SSX2IP: variants seen among roughly 807,000 people sequenced by gnomAD.
SSX2IP encodes afadin- and alpha-actinin-binding protein.
SSX2IP carries 55 observed loss-of-function variants against 84.9 expected under a neutral mutation model. The ratio of observed to expected loss-of-function variants is 0.65; its 90% CI spans 0.52 to 0.81. The LOEUF (loss-of-function observed/expected upper bound fraction) is 0.81. SSX2IP is among the 30% of genes least tolerant of loss of function. The pLI is 0.00. For missense variants in SSX2IP, 664 were observed against 705.2 expected (o/e 0.94, Z 0.66); for synonymous variants, 239 against 234.7 (o/e 1.02, Z -0.17).
At chr1:84,681,871 G>C (rs901454721) in intron 1 of SSX2IP, among the ~76,000 whole-genome samples, 2 of 152,140 alleles carry the variant, frequency 1.3e-5, no homozygotes, top group African/African-American at 4.8e-5. Context: ...GGAAGACAGG[G>C]AACAGAAATA....
chr1:84,662,000 A>G (rs1170083740), intron 8 of SSX2IP, among the ~76,000 whole-genome samples, 198 bp downstream of exon 8: 1 of 152,182 alleles, frequency 6.6e-6, no homozygotes, highest in African/African-American at 2.4e-5. Flanking sequence ...CCGGAAAATC[A>G]TCTCCAGCAT....
At chr1:84,656,293 C>G (rs1651111196) in intron 10 of SSX2IP, 55 bp downstream of exon 10, 1 of 1,561,858 alleles carries the variant, frequency 6.4e-7, no homozygotes. Context: ...TGGTAAGGTT[C>G]AGCACAATTC....
At chr1:84,656,262 T>C (rs1651103387) in intron 10 of SSX2IP, 86 bp downstream of exon 10, 1 of 1,352,250 alleles carries the variant, frequency 7.4e-7, no homozygotes, top group South Asian at 1.4e-5. Flanking sequence ...CAGGGCCTTA[T>C]GAAATAAAGG....
At chr1:84,671,520 G>C (rs1196583855) in intron 1 of SSX2IP, among the ~76,000 whole-genome samples, 1 of 152,094 alleles carries the variant, frequency 6.6e-6, no homozygotes, top group African/African-American at 2.4e-5. Flanking sequence ...AAGTTCTACT[G>C]AGGTATTCAT....
chr1:84,655,256 G>T, intron 11 of SSX2IP: 2 of 889,290 alleles, frequency 2.2e-6, no homozygotes, highest in Non-Finnish European at 2.8e-6. Context: ...AACTGAGGAT[G>T]AGAAAGGAGG....
At chr1:84,684,201 A>G (rs1312669791) in intron 1 of SSX2IP, among the ~76,000 whole-genome samples, 2 of 152,180 alleles carry the variant, frequency 1.3e-5, no homozygotes, top group Non-Finnish European at 1.5e-5. Context: ...CATCAACATC[A>G]CCTGACTCAA....
At chr1:84,687,488 T>C (rs1447582295) in intron 1 of SSX2IP, among the ~76,000 whole-genome samples, 4 of 152,172 alleles carry the variant, frequency 2.6e-5, no homozygotes, top group African/African-American at 9.7e-5. Flanking sequence ...TGCTTGAAAA[T>C]GGGGAAGTAT....
chr1:84,655,963 A>G lies in SSX2IP; in HGVS notation c.1258T>C (p.Leu420=), dbSNP rs749861144. The G allele has an allele frequency of 1.6e-5, 26 of 1,613,550 alleles. No homozygotes were observed. The highest frequency in any genetic ancestry group is 2.1e-5 in the Non-Finnish European group (25 of 1,179,926). ...TCTTCCAACAAATAACAGTCTCGTA[A>G]TAGTGAAGTGGTATCATCATCATAT... ...TAYDDDTTSL[L]RDCYLLEEKE... is the part of the protein sequence containing the mutation. The change falls in exon 11 of 14, where the codon TTA becomes CTA. Residue 420 remains leucine, a synonymous_variant. Transcript: ENST00000342203.
In SSX2IP at chr1:84,652,028, A is replaced by G. The variant is rs1650329174; in HGVS notation, c.1390-31T>C. On this transcript the variant is annotated intron_variant, in intron 11 of 13. Coordinates refer to ENST00000342203, the MANE Select transcript of SSX2IP (RefSeq NM_001166293.2). ...ATAAACAGCCAAAGAAATAATGATCAATATTTCAACATCCACACAGTTGCC... is the reference window on the plus strand; with the variant it reads ...ATAAACAGCCAAAGAAATAATGATCGATATTTCAACATCCACACAGTTGCC... The G allele has an allele frequency of 1.4e-5, 22 of 1,520,860 alleles. No homozygotes were observed. The East Asian group carries it at 5.0e-4, about 34-fold the overall frequency. The allele number at this position is 1,520,860 out of a possible 1,614,324, so 94.2% of individuals were successfully genotyped here.
rs1411211957 is a variant in SSX2IP, at chr1:84,656,381, T to G, written c.1182A>C (p.Lys394Asn). The G allele has an allele frequency of 2.5e-6, 4 of 1,612,874 alleles. No homozygotes were observed. The highest frequency in any genetic ancestry group is 2.5e-6 in the Non-Finnish European group (3 of 1,179,662). ...GCTGTTGCTGAGTTTTAATCATTTC[T>G]TTACACTGCTGAATTTCTAACTCGA... ...EKLELEIQQC[K>N]EMIKTQQQLL... The change falls in exon 10 of 14, where the codon AAA (lysine) becomes AAC (asparagine). Residue 394 changes from lysine (K) to asparagine (N), a missense_variant. Transcript: ENST00000342203.
chr1:84,658,012 A>G (rs1651380228), intron 9 of SSX2IP, among the ~76,000 whole-genome samples: 1 of 152,062 alleles, frequency 6.6e-6, no homozygotes, highest in South Asian at 2.1e-4. Flanking sequence ...ATGTGCGCCT[A>G]TAGTCCTAGC....
chr1:84,688,450 T>A (rs1453582509), intron 1 of SSX2IP, among the ~76,000 whole-genome samples: 2 of 152,226 alleles, frequency 1.3e-5, no homozygotes, highest in Admixed American at 6.5e-5. Context: ...TTTAAGCATG[T>A]TAAATGAATT....
upstream of SSX2IP, chr1:84,690,697 G>T (rs1450863799): frequency 6.6e-6 from 1 of 152,106 alleles, no homozygotes; most frequent in Non-Finnish European, 1.5e-5. Context: ...CGGAGAAAAA[G>T]AAGACCTTAT....
chr1:84,683,836 C>T (rs1050283601), intron 1 of SSX2IP, among the ~76,000 whole-genome samples: 21 of 152,106 alleles, frequency 1.4e-4, no homozygotes, highest in African/African-American at 4.3e-4. Flanking sequence ...GAATCAAGAG[C>T]ATGGCAATTT....
rs1653543969 is a variant in SSX2IP at position 84,671,302 on chromosome 1, G to C, written c.-83C>G. 1 of 1,560,714 alleles carries C rather than the reference G, an allele frequency of 6.4e-7. No individual in the cohort carries two copies. Among genetic ancestry groups the C allele is most frequent in the Non-Finnish European group, 8.6e-7 (1 of 1,157,202 alleles). ...TAGCTGCTGTCACTCTTCTATGTAG[G>C]CATCTCCTTAAAAAGCAGATTATAG... On this transcript the variant is annotated 5_prime_UTR_variant, in exon 2 of 14. Coordinates refer to ENST00000342203, the MANE Select transcript of SSX2IP (RefSeq NM_001166293.2).
chr1:84,665,958 G>C lies in SSX2IP; in HGVS notation c.537+164C>G, dbSNP rs2911566. Among the ~76,000 whole-genome samples, 109,194 of 152,062 alleles carry C rather than the reference G, an allele frequency of 0.72. 39,542 individuals carry two copies. The highest frequency in any genetic ancestry group is 0.77 in the Non-Finnish European group (52,640 of 67,976). On this transcript the variant is annotated intron_variant, in intron 5 of 13. Transcript: ENST00000342203. ...GGTCTGTAGTGGAGAGGGTTCCTGAGCTTCCAGTTAAATACTATTACACAA... is the reference window on the plus strand; with the variant it reads ...GGTCTGTAGTGGAGAGGGTTCCTGACCTTCCAGTTAAATACTATTACACAA...
At position 84,647,342 on chromosome 1, in the gene SSX2IP, T is replaced by C; in HGVS notation, c.*91A>G. The C allele has an allele frequency of 8.7e-7, 1 of 1,155,774 alleles. No homozygotes were observed. Among genetic ancestry groups the C allele is most frequent in the South Asian group, 1.9e-5 (1 of 51,670 alleles). The allele number at this position is 1,155,774 out of a possible 1,614,324, so 71.6% of individuals were successfully genotyped here. On this transcript the variant is annotated 3_prime_UTR_variant, in exon 14 of 14. Coordinates refer to ENST00000342203, the MANE Select transcript of SSX2IP (RefSeq NM_001166293.2). ...AAACAACTCAGACCATCTTAAGTTATTAGAGATAACTGACTTTATGACACA... is the reference window on the plus strand; with the variant it reads ...AAACAACTCAGACCATCTTAAGTTACTAGAGATAACTGACTTTATGACACA...
At chr1:84,650,940 C>T (rs976148056) in intron 12 of SSX2IP, among the ~76,000 whole-genome samples, 3 of 152,084 alleles carry the variant, frequency 2.0e-5, no homozygotes, top group East Asian at 2.0e-4. Context: ...CTCCTGACTT[C>T]GTGATCCACC....
chr1:84,672,986 T>C (rs914856718), intron 1 of SSX2IP, among the ~76,000 whole-genome samples: 13 of 152,270 alleles, frequency 8.5e-5, no homozygotes, highest in African/African-American at 3.1e-4. Context: ...ATCGTGCCAC[T>C]GCACTCCAGC....
Sources: allele counts gnomAD v4.1 joint callset (sites outside exome capture counted in the v4.1 genomes callset), GRCh38; gene constraint gnomAD v4.1.1; transcripts MANE v1.5; gene names NCBI Gene and HGNC (gene_info 2026-07-23, HGNC 2026-07-21).